Variants in TTC39B observed in about 807,000 individuals in gnomAD.
The protein encoded by TTC39B is tetratricopeptide repeat protein 39B.
TTC39B carries 92 observed loss-of-function variants against 96.6 expected under a neutral mutation model. The ratio of observed to expected loss-of-function variants is 0.95; its 90% CI spans 0.80 to 1.13. The LOEUF is 1.13. Ranked by LOEUF, TTC39B falls within the 50% of genes most tolerant of loss-of-function variation. The pLI is 0.00. For synonymous variants in TTC39B, 367 were observed against 299.4 expected (o/e 1.23, Z -2.33); for missense variants, 955 against 809.3 (o/e 1.18, Z -2.18).
At chr9:15,238,051 T>A (rs1422384733) in intron 2 of TTC39B, among the ~76,000 whole-genome samples, 2 of 152,034 alleles carry the variant, frequency 1.3e-5, no homozygotes, top group African/African-American at 2.4e-5. Flanking sequence ...AAACAACTGA[T>A]AAAATCCAAC....
chr9:15,265,499 G>C (rs1823098355), intron 2 of TTC39B, among the ~76,000 whole-genome samples: 1 of 152,184 alleles, frequency 6.6e-6, no homozygotes, highest in Non-Finnish European at 1.5e-5. Flanking sequence ...ACCTACTATA[G>C]CCCAAGCTCA....
At chr9:15,303,029 G>T (rs910219135) in intron 1 of TTC39B, among the ~76,000 whole-genome samples, 1 of 151,358 alleles carries the variant, frequency 6.6e-6, no homozygotes, top group Non-Finnish European at 1.5e-5. Context: ...TTAGCTGGAC[G>T]TGGTGGCACG....
intron 19 of TTC39B, 67 bp from the exon 20 acceptor site, chr9:15,172,176 C>T (rs1405468209): frequency 1.3e-5 from 14 of 1,061,152 alleles, no homozygotes; most frequent in Non-Finnish European, 2.0e-5. Flanking sequence ...ACCACTCTCC[C>T]ATTCCTCTCT....
At chr9:15,297,547 T>C (rs1196917249) in intron 1 of TTC39B, among the ~76,000 whole-genome samples, 3 of 152,154 alleles carry the variant, frequency 2.0e-5, no homozygotes. Context: ...GACTCTACCC[T>C]GCACTCCAGG....
intron 3 of TTC39B, among the ~76,000 whole-genome samples, chr9:15,222,501 T>G (rs1820901024): frequency 6.6e-6 from 1 of 152,186 alleles, no homozygotes; most frequent in African/African-American, 2.4e-5. Context: ...AGTCACCCTC[T>G]TCTCTCAAAA....
chr9:15,182,284 C>T lies in TTC39B; in HGVS notation c.1723+23G>A, dbSNP rs368563601. 10 of 1,494,210 alleles carry T rather than the reference C, an allele frequency of 6.7e-6. No homozygotes were observed. In the East Asian group the frequency reaches 1.4e-4, roughly 21 times the overall value. The allele number at this position is 1,494,210 out of a possible 1,614,324, so 92.6% of individuals were successfully genotyped here. ...TCATGGAGCAGAGACAAAGGCTCCT[C>T]GGTGCTTACTGTGTATACTTACTTT... On this transcript the variant is annotated intron_variant, in intron 17 of 19. Transcript: ENST00000512701.
intron 2 of TTC39B, 57 bp from the exon 3 acceptor site, chr9:15,226,069 C>G: frequency 6.8e-7 from 1 of 1,470,510 alleles, no homozygotes; most frequent in Non-Finnish European, 9.5e-7. Flanking sequence ...TGAGAAAAGT[C>G]TACACCAGTG....
At chr9:15,186,104 C>T (rs1012573769) in intron 15 of TTC39B, among the ~76,000 whole-genome samples, 4 of 152,076 alleles carry the variant, frequency 2.6e-5, no homozygotes, top group Non-Finnish European at 5.9e-5. Flanking sequence ...TTTATGGATG[C>T]ATCAAACAAG....
At chr9:15,211,137 C>G in intron 5 of TTC39B, 129 bp downstream of exon 5, 1 of 1,111,436 alleles carries the variant, frequency 9.0e-7, no homozygotes, top group Non-Finnish European at 1.2e-6. Flanking sequence ...AGCTTCGAGG[C>G]TGAATTTCTT....
intron 6 of TTC39B, among the ~76,000 whole-genome samples, chr9:15,207,827 A>G (rs907029276): frequency 2.6e-5 from 4 of 151,146 alleles, no homozygotes; most frequent in African/African-American, 9.7e-5. Context: ...TACTAAAAAT[A>G]CAAAAAATTA....
chr9:15,271,126 C>T (rs116687287), intron 1 of TTC39B, among the ~76,000 whole-genome samples: 3,932 of 149,630 alleles, frequency 0.026, 176 homozygotes, highest in African/African-American at 0.092. Context: ...GGAAATTAGA[C>T]AGTTGGGCAG....
rs893423466 is a variant in TTC39B, at chr9:15,185,610, T to G, written c.1488-204A>C. ...AGGGCCGGGGCCGAGCAATCTAGAT[T>G]TTGATAAGCCCTCCAGGTGATTCTG... On this transcript the variant is annotated intron_variant, in intron 15 of 19. Transcript: ENST00000512701. The G allele has an allele frequency of 1.0e-5, 6 of 590,936 alleles. No individual in the cohort carries two copies. In the African/African-American group the frequency reaches 1.2e-4, roughly 12 times the overall value. The allele number at this position is 590,936 out of a possible 1,614,324, so 36.6% of individuals were successfully genotyped here. A position where few individuals can be genotyped will look rare whatever the true frequency, so the allele number is the denominator to read the frequency against.
chr9:15,273,505 C>A (rs527638026), intron 1 of TTC39B, among the ~76,000 whole-genome samples: 8 of 152,300 alleles, frequency 5.3e-5, no homozygotes, highest in African/African-American at 1.9e-4. Flanking sequence ...TCCTCCTCAC[C>A]CTCAGCCCTG....
At chr9:15,166,985 TATATA>T (rs1564299620) in exon 20 of TTC39B, 96 of 4,794 alleles carry the variant, frequency 0.02, 3 homozygotes, top group African/African-American at 0.053. Flanking sequence ...CTTTATTTTA[TATATA>T]TATATATATA....
intron 2 of TTC39B, among the ~76,000 whole-genome samples, chr9:15,230,819 T>A (rs374010786): frequency 7.9e-5 from 12 of 152,134 alleles, no homozygotes; most frequent in African/African-American, 2.9e-4. Context: ...ACTCCATCTC[T>A]ACTAAAAATA....
intron 2 of TTC39B, chr9:15,250,107 C>A: frequency 7.9e-7 from 1 of 1,258,740 alleles, no homozygotes; most frequent in Non-Finnish European, 1.0e-6. Flanking sequence ...TTCTCAGGCA[C>A]AAGCAAAGTA....
chr9:15,164,852 T>C (rs147448004), exon 20 of TTC39B: 1 of 152,316 alleles, frequency 6.6e-6, no homozygotes, highest in Non-Finnish European at 1.5e-5. Context: ...GTGAAACACA[T>C]ATGTTCTCCT....
intron 8 of TTC39B, 68 bp from the exon 9 acceptor site, chr9:15,192,763 T>G: frequency 9.4e-7 from 1 of 1,063,948 alleles, no homozygotes; most frequent in Non-Finnish European, 1.4e-6. Flanking sequence ...TAAATCAAAT[T>G]TTACACTTAT....
intron 7 of TTC39B, among the ~76,000 whole-genome samples, chr9:15,201,776 A>G (rs1374764871): frequency 2.0e-5 from 3 of 152,312 alleles, no homozygotes; most frequent in Admixed American, 2.0e-4. Context: ...GGTAGGGAAC[A>G]TAGAGAGGAG....
Sources: gnomAD v4.1 joint callset for allele counts (sites outside exome capture counted in the v4.1 genomes callset) on GRCh38, gnomAD v4.1.1 for gene constraint, MANE v1.5 for transcripts, NCBI Gene and HGNC (gene_info 2026-07-23, HGNC 2026-07-21) for gene names.